The following GPC6 variants were observed in gnomAD, a reference collection of about 807,000 sequenced individuals.
The protein encoded by GPC6 is glypican-6.
Under a neutral mutation model 55.2 loss-of-function variants are expected in GPC6, and 14 were observed. The observed-to-expected ratio is 0.25, with a 90% confidence interval of 0.17 to 0.40. The LOEUF (loss-of-function observed/expected upper bound fraction) is 0.40. Among genes scored for constraint, GPC6 ranks in the 10% least tolerant of loss-of-function variants. The pLI, the probability that GPC6 is intolerant of heterozygous loss-of-function variation, is 1.00. For missense variants in GPC6, 641 were observed against 708.5 expected, an observed-to-expected ratio of 0.90 and a Z score of 1.08; for synonymous variants, 278 against 259.6, an observed-to-expected ratio of 1.07 and a Z score of -0.68.
chr13:94,118,985 A>G (rs1159331430), intron 4 of GPC6, among the ~76,000 whole-genome samples: 2 of 108,134 alleles, frequency 1.8e-5, no homozygotes, highest in Non-Finnish European at 3.8e-5. Flanking sequence ...TGGCCTGTAT[A>G]TACATTATGT....
intron 6 of GPC6, among the ~76,000 whole-genome samples, chr13:94,310,853 T>C (rs1876207524): frequency 6.6e-6 from 1 of 152,284 alleles, no homozygotes; most frequent in South Asian, 2.1e-4. Flanking sequence ...AGACGATGCG[T>C]AGTCCGCCTG....
chr13:93,701,375 C>A (rs918734746), intron 2 of GPC6, among the ~76,000 whole-genome samples: 2 of 151,924 alleles, frequency 1.3e-5, no homozygotes, highest in African/African-American at 4.8e-5. Flanking sequence ...AAAAAAAGTA[C>A]ATACATTAAT....
At position 94,060,372 on chromosome 13, in the gene GPC6, A is replaced by C. The variant is rs186054776; in HGVS notation, c.877+32478A>C. The stretch of plus-strand genomic sequence containing the variant: ...AGGATCTTTGTTGTGTTCCCTGATA[A>C]ACCCCAGGTGCCTAAAACAGTGACT... On this transcript the variant is annotated intron_variant, in intron 4 of 8. Transcript: ENST00000377047. Among the ~76,000 whole-genome samples, 601 of 152,288 alleles carry C rather than the reference A, an allele frequency of 3.9e-3. 4 individuals are homozygous for C. Among genetic ancestry groups the C allele is most frequent in the African/African-American group, 0.014 (581 of 41,554 alleles).
intron 2 of GPC6, among the ~76,000 whole-genome samples, chr13:93,670,617 C>T (rs142899546): frequency 3.1e-4 from 47 of 152,024 alleles, no homozygotes; most frequent in African/African-American, 1.1e-3. Flanking sequence ...GAAAGAATAG[C>T]GATAATAATC....
At chr13:93,778,951 T>C (rs961323000) in intron 2 of GPC6, among the ~76,000 whole-genome samples, 6 of 152,244 alleles carry the variant, frequency 3.9e-5, no homozygotes, top group Non-Finnish European at 7.3e-5. Context: ...ATCATTTTTC[T>C]TCTAAAAGAT....
intron 3 of GPC6, among the ~76,000 whole-genome samples, chr13:94,017,926 T>A (rs1010972392): frequency 2.6e-5 from 4 of 152,078 alleles, no homozygotes; most frequent in African/African-American, 9.7e-5. Flanking sequence ...TCCACCCGCC[T>A]CAGCCTCCCA....
chr13:93,933,949 G>A (rs559880593), intron 3 of GPC6, among the ~76,000 whole-genome samples: 33 of 152,292 alleles, frequency 2.2e-4, no homozygotes, highest in African/African-American at 7.9e-4. Context: ...GGGTTTTCAA[G>A]GAAATAGCTT....
chr13:93,332,416 G>T (rs7984095), intron 1 of GPC6, among the ~76,000 whole-genome samples: 43,629 of 151,830 alleles, frequency 0.29, 7,248 homozygotes, highest in East Asian at 0.55. Context: ...TTTAACTGGG[G>T]TGAGATTTGC....
intron 2 of GPC6, among the ~76,000 whole-genome samples, chr13:93,621,360 G>T (rs1303864572): frequency 2.0e-5 from 3 of 152,160 alleles, no homozygotes; most frequent in Non-Finnish European, 4.4e-5. Context: ...CCCTGTCTTT[G>T]CTGCATTCCT....
intron 2 of GPC6, among the ~76,000 whole-genome samples, chr13:93,769,499 T>C (rs1408584375): frequency 6.6e-6 from 1 of 150,828 alleles, no homozygotes; most frequent in Admixed American, 6.6e-5. Context: ...TCTGGGAGGA[T>C]CACCTTTCTC....
rs953430897 is a variant in GPC6, at chr13:93,795,681, G to T, written c.320-34473G>T. On this transcript the variant is annotated intron_variant, in intron 2 of 8. Coordinates refer to ENST00000377047, the MANE Select transcript of GPC6 (RefSeq NM_005708.5). ...AAGAAAAAACAATGTAAATTCTATTGCCTAATGTGTACTTCCATTTCAAAT... is the reference window on the plus strand; with the variant it reads ...AAGAAAAAACAATGTAAATTCTATTTCCTAATGTGTACTTCCATTTCAAAT... 3.3e-5 allele frequency among the ~76,000 whole-genome samples: 5 copies of T among 152,184 alleles called. No homozygotes were observed. In the East Asian group the frequency reaches 9.6e-4, roughly 29 times the overall value.
intron 2 of GPC6, among the ~76,000 whole-genome samples, chr13:93,815,012 G>C (rs754707859): frequency 6.6e-6 from 1 of 152,120 alleles, no homozygotes; most frequent in Non-Finnish European, 1.5e-5. Flanking sequence ...TGCTGTTTGG[G>C]CAAAGCTTTG....
At chr13:93,870,877 C>T (rs955619890) in intron 3 of GPC6, among the ~76,000 whole-genome samples, 20 of 151,922 alleles carry the variant, frequency 1.3e-4, no homozygotes, top group African/African-American at 4.8e-4. Context: ...GCCTCTGCCT[C>T]CCAAATTGCT....
At chr13:93,609,484 G>C (rs933909731) in intron 2 of GPC6, among the ~76,000 whole-genome samples, 1 of 152,070 alleles carries the variant, frequency 6.6e-6, no homozygotes, top group Non-Finnish European at 1.5e-5. Flanking sequence ...ATGATCCGCC[G>C]GCCTTGGCCT....
At chr13:94,126,752 T>C (rs894642117) in intron 4 of GPC6, among the ~76,000 whole-genome samples, 3 of 152,158 alleles carry the variant, frequency 2.0e-5, no homozygotes, top group African/African-American at 7.2e-5. Flanking sequence ...TGTACACTTT[T>C]TCTGTGTATA....
chr13:93,883,367 TGGGC>T (rs1376524499), intron 3 of GPC6, among the ~76,000 whole-genome samples: 3 of 152,150 alleles, frequency 2.0e-5, no homozygotes, highest in Admixed American at 1.3e-4. Flanking sequence ...ACATAGTTAA[TGGGC>T]TGTAGTGTAA....
At chr13:94,017,783 A>G (rs984747396) in intron 3 of GPC6, among the ~76,000 whole-genome samples, 7 of 151,914 alleles carry the variant, frequency 4.6e-5, no homozygotes, top group African/African-American at 1.5e-4. Flanking sequence ...AGTTCAAGCA[A>G]TTATCTGTCT....
chr13:93,506,752 C>G (rs558881013), intron 1 of GPC6, among the ~76,000 whole-genome samples: 3 of 151,664 alleles, frequency 2.0e-5, no homozygotes, highest in Admixed American at 1.3e-4. Flanking sequence ...TTAAAAAGCC[C>G]GGAGTAGGCC....
upstream of GPC6, among the ~76,000 whole-genome samples, chr13:93,222,343 T>A (rs962616039): frequency 2.6e-5 from 4 of 152,232 alleles, no homozygotes; most frequent in African/African-American, 9.6e-5. Flanking sequence ...TCTCTTTTTA[T>A]GTCCACTCAT....
Sources: gnomAD v4.1 joint callset for allele counts (sites outside exome capture counted in the v4.1 genomes callset) on GRCh38, gnomAD v4.1.1 for gene constraint, MANE v1.5 for transcripts, NCBI Gene and HGNC (gene_info 2026-07-23, HGNC 2026-07-21) for gene names.